ZMYND15: variants seen among roughly 807,000 people sequenced by gnomAD.
The protein encoded by ZMYND15 is zinc finger MYND domain-containing protein 15.
In ZMYND15, 54 loss-of-function variants were observed where a neutral mutation model predicts 81.7. The ratio of observed to expected loss-of-function variants is 0.66; its 90% confidence interval spans 0.53 to 0.83. The LOEUF (loss-of-function observed/expected upper bound fraction) is 0.83, where lower values mean the gene tolerates loss of function less well. Ranked by LOEUF, ZMYND15 falls within the 40% of genes least tolerant of loss-of-function variation. The pLI, the probability that ZMYND15 is intolerant of heterozygous loss-of-function variation, is 0.00. For synonymous variants in ZMYND15, 399 were observed against 387.0 expected (o/e 1.03, Z -0.36); for missense variants, 925 against 973.5 (o/e 0.95, Z 0.66).
In ZMYND15 at chr17:4,743,730, C is replaced by T. The variant is rs765411382; in HGVS notation, c.1298-37C>T. 6 of 1,583,474 alleles carry T rather than the reference C, an allele frequency of 3.8e-6. No individual in the cohort carries two copies. The East Asian group carries it at 8.9e-5, about 24-fold the overall frequency. ...AAAGAGATGGGTCAGGTGGGGGTCT[C>T]CCTGACCCCAGGCCCCTCCTTCTTT... On this transcript the variant is annotated intron_variant, in intron 6 of 13. Transcript: ENST00000433935. This position sits in a 1 kb window ranked among gnomAD's most constrained non-coding sequence, Gnocchi z 4.3.
Position 4,740,863 on chromosome 17 carries a change from C to T in ZMYND15, c.315C>T (p.Ser105=). 6.4e-7 allele frequency: 1 copy of T among 1,573,094 alleles called. No homozygotes were observed. The highest frequency in any genetic ancestry group is 1.2e-5 in the South Asian group (1 of 85,218). Residue 105 remains serine (S), a synonymous_variant, in exon 2 of 14, where the codon AGC becomes AGT. Transcript: ENST00000433935. The stretch of plus-strand genomic sequence containing the variant: ...TGCGAGACCTGAGCCCCTACATCAG[C>T]TTTGTCAGCCTAGAGGATGGGGAGG... ...LHLRDLSPYI[S]FVSLEDGEEG...
In ZMYND15 at chr17:4,739,972, G is replaced by C. The variant is rs1178690823; in HGVS notation, c.-109G>C. On this transcript the variant is annotated 5_prime_UTR_variant, in exon 1 of 14. Transcript: ENST00000433935. The surrounding 1 kb of genome is among the most constrained non-coding windows in gnomAD (Gnocchi z 5.3). ...CGCCCGCTGAGCCGGCGAGGGCTCG[G>C]GCAGCCCTGACGTCACAACCGCACC... The C allele has an allele frequency of 1.0e-6, 1 of 985,188 alleles. No homozygotes were observed. Among genetic ancestry groups the C allele is most frequent in the African/African-American group, 1.7e-5 (1 of 57,222 alleles). 61.0% of individuals were successfully genotyped at this position (985,188 alleles called of 1,614,324 possible). A position where few individuals can be genotyped will look rare whatever the true frequency, so the allele number is the denominator to read the frequency against.
Position 4,746,110 on chromosome 17 carries a change from GAA to G in ZMYND15, c.*122_*123del. 9.3e-7 allele frequency: 1 copy of G among 1,072,738 alleles called. No individual in the cohort carries two copies. 66.5% of individuals were successfully genotyped at this position (1,072,738 alleles called of 1,614,324 possible). On this transcript the variant is annotated 3_prime_UTR_variant, in exon 14 of 14. Transcript: ENST00000433935. ...AAAAGGTAAATAAAATTACTTGTTT[GAA>G]ACCACTGAGTCATGGATCTTTTGAT...
rs1310150234 is a variant in ZMYND15, at chr17:4,745,979, C to T, written c.2218C>T (p.Arg740Trp). 1 of 1,441,588 alleles carries T rather than the reference C, an allele frequency of 6.9e-7. No individual in the cohort carries two copies. Among genetic ancestry groups the T allele is most frequent in the South Asian group, 1.5e-5 (1 of 67,274 alleles). 89.3% of individuals were successfully genotyped at this position (1,441,588 alleles called of 1,614,324 possible). A position where few individuals can be genotyped will look rare whatever the true frequency, so the allele number is the denominator to read the frequency against. The change falls in exon 14 of 14, where the codon CGG becomes TGG. Residue 740 changes from arginine (R) to tryptophan (W), a missense_variant. Physicochemically the swap from Arg to Trp is moderately radical, Grantham distance 101. Transcript: ENST00000433935. The surrounding 1 kb of genome is among the most constrained non-coding windows in gnomAD (Gnocchi z 5.2). ...GEKKPGRGAR[R>W]RK The stretch of plus-strand genomic sequence containing the variant: ...AAAGAAACCTGGGCGGGGGGCCCGC[C>T]GGCGGAAATGAATGCTGATACCCTA...
Position 4,743,187 on chromosome 17 carries a change from C to T in ZMYND15, c.1145-116C>T, listed in dbSNP as rs965174490. ...CCAAGAGGTCGAGGCTGTAGTGTCC[C>T]GTGATCACGCCACTGCACTCTAGCT... is the stretch of plus-strand genomic sequence containing the variant. On this transcript the variant is annotated intron_variant, in intron 5 of 13. Coordinates refer to ENST00000433935, the MANE Select transcript of ZMYND15 (RefSeq NM_001136046.3). This position sits in a 1 kb window ranked among gnomAD's most constrained non-coding sequence, Gnocchi z 4.3. 4.2e-5 allele frequency: 53 copies of T among 1,266,738 alleles called. 2 individuals carry two copies. The highest frequency in any genetic ancestry group is 1.6e-4 in the East Asian group (7 of 42,624). The allele number at this position is 1,266,738 out of a possible 1,614,324, so 78.5% of individuals were successfully genotyped here.
rs555587980 is a variant in ZMYND15 at position 4,741,494 on chromosome 17, C to T, written c.593-88C>T. 4,949 of 1,426,480 alleles carry T rather than the reference C, an allele frequency of 3.5e-3. 13 individuals carry two copies. The highest frequency in any genetic ancestry group is 4.2e-3 in the Non-Finnish European group (4,251 of 1,017,950). 88.4% of individuals were successfully genotyped at this position (1,426,480 alleles called of 1,614,324 possible). A position where few individuals can be genotyped will look rare whatever the true frequency, so the allele number is the denominator to read the frequency against. On this transcript the variant is annotated intron_variant, in intron 2 of 13. Coordinates refer to ENST00000433935, the MANE Select transcript of ZMYND15 (RefSeq NM_001136046.3). ...CTCAGTGAGGTTACTTGCCTAGCCC[C>T]GTAGGTATTTGAGTTTGGTACTCCT...
In ZMYND15 at chr17:4,744,783, A is replaced by C. The variant is rs753571492; in HGVS notation, c.1837+5A>C. On this transcript the variant is annotated splice_donor_5th_base_variant and intron_variant, in intron 11 of 13. Transcript: ENST00000433935. The surrounding 1 kb of genome is among the most constrained non-coding windows in gnomAD (Gnocchi z 4.1). ...CCAAGCCTGACCTGGTTATTGGTAA[A>C]AGCCTGGGTCTCAGGGTTAGGCATG... 6.2e-7 allele frequency: 1 copy of C among 1,614,076 alleles called. No individual in the cohort carries two copies. The highest frequency in any genetic ancestry group is 1.7e-5 in the Admixed American group (1 of 60,008).
In ZMYND15 at chr17:4,745,150, G is replaced by GTC; in HGVS notation, c.1897-64_1897-63dup. ...GGGACCTCGGCTTTCAGCCCGGTCTGTCATTCTGGCTGCTGGGATGGATTT... is the reference window on the plus strand; with the variant it reads ...GGGACCTCGGCTTTCAGCCCGGTCTGTCTCATTCTGGCTGCTGGGATGGATTT... On this transcript the variant is annotated intron_variant, in intron 12 of 13. Coordinates refer to ENST00000433935, the MANE Select transcript of ZMYND15 (RefSeq NM_001136046.3). This position sits in a 1 kb window ranked among gnomAD's most constrained non-coding sequence, Gnocchi z 5.2. 1 of 1,611,790 alleles carries GTC rather than the reference G, an allele frequency of 6.2e-7. No homozygotes were observed. The highest frequency in any genetic ancestry group is 1.7e-5 in the Admixed American group (1 of 59,810).
chr17:4,743,846 T>G lies in ZMYND15; in HGVS notation c.1377T>G (p.Phe459Leu), dbSNP rs1447105623. 1 of 1,613,596 alleles carries G rather than the reference T, an allele frequency of 6.2e-7. No homozygotes were observed. The highest frequency in any genetic ancestry group is 1.3e-5 in the African/African-American group (1 of 74,862). Residue 459 changes from phenylalanine (F) to leucine (L), a missense_variant and splice_region_variant, in exon 7 of 14, where the codon TTT becomes TTG. Coordinates refer to ENST00000433935, the MANE Select transcript of ZMYND15 (RefSeq NM_001136046.3). This position sits in a 1 kb window ranked among gnomAD's most constrained non-coding sequence, Gnocchi z 4.3. ...CCCCACATCCACCCCGGGGTGTTTT[T>G]GGTGAGCTGGAGGGGCCCTGTGGAA... ...PVPPHPPRGV[F>L]GSWQDYYTWR... is the part of the protein sequence containing the mutation.
At position 4,743,230 on chromosome 17, in the gene ZMYND15, C is replaced by T; in HGVS notation, c.1145-73C>T. The T allele has an allele frequency of 1.4e-6, 2 of 1,427,772 alleles. No homozygotes were observed. The highest frequency in any genetic ancestry group is 2.3e-5 in the East Asian group (1 of 43,414). 88.4% of individuals were successfully genotyped at this position (1,427,772 alleles called of 1,614,324 possible). On this transcript the variant is annotated intron_variant, in intron 5 of 13. Coordinates refer to ENST00000433935, the MANE Select transcript of ZMYND15 (RefSeq NM_001136046.3). The surrounding 1 kb of genome is among the most constrained non-coding windows in gnomAD (Gnocchi z 4.3). The stretch of plus-strand genomic sequence containing the variant: ...CTCTAGCTTGGGTGATAGAGCAAGA[C>T]TCTGTCTCAAAAAAAAAAAAATGTC...
chr17:4,745,332 C>T lies in ZMYND15; in HGVS notation c.2014C>T (p.Arg672Cys), dbSNP rs919846573. Residue 672 changes from arginine (R) to cysteine (C), a missense_variant, in exon 13 of 14, where the codon CGC (arginine) becomes TGC (cysteine). Coordinates refer to ENST00000433935, the MANE Select transcript of ZMYND15 (RefSeq NM_001136046.3). The surrounding 1 kb of genome is among the most constrained non-coding windows in gnomAD (Gnocchi z 5.2). Reference sequence around the variant, plus strand: ...CAGCCCTCCCCAGCCCAACCCCTTCCGCTCCCCCTTTCGCCTCAGAGCGGC... The same window carrying T: ...CAGCCCTCCCCAGCCCAACCCCTTCTGCTCCCCCTTTCGCCTCAGAGCGGC... ...GTSPPQPNPF[R>C]SPFRLRAADN... is the part of the protein sequence containing the mutation. 12 of 1,611,702 alleles carry T rather than the reference C, an allele frequency of 7.4e-6. No individual in the cohort carries two copies. The highest frequency in any genetic ancestry group is 8.5e-6 in the Non-Finnish European group (10 of 1,179,104).
chr17:4,745,219 T>G lies in ZMYND15; in HGVS notation c.1901T>G (p.Leu634Arg), dbSNP rs1916609716. ...GCGACTCTCGCTCCACCCCAGTCCCTCCGAGTGCCAGCCTTCTTCACCGAG... is the reference window on the plus strand; with the variant it reads ...GCGACTCTCGCTCCACCCCAGTCCCGCCGAGTGCCAGCCTTCTTCACCGAG... ...WLRSLPRLQS[L>R]RVPAFFTESS... Residue 634 changes from leucine to arginine, a missense_variant, in exon 13 of 14, where the codon CTC becomes CGC. Coordinates refer to ENST00000433935, the MANE Select transcript of ZMYND15 (RefSeq NM_001136046.3). This position sits in a 1 kb window ranked among gnomAD's most constrained non-coding sequence, Gnocchi z 5.2. 2 of 1,613,948 alleles carry G rather than the reference T, an allele frequency of 1.2e-6. No homozygotes were observed. Among genetic ancestry groups the G allele is most frequent in the Non-Finnish European group, 1.7e-6 (2 of 1,179,962 alleles).
At chr17:4,741,843 G>A in intron 3 of ZMYND15, 27 bp downstream of exon 3, 1 of 1,580,978 alleles carries the variant, frequency 6.3e-7, no homozygotes, top group Non-Finnish European at 8.6e-7. Flanking sequence ...TCTGAGGCTG[G>A]GGAGGACTCG....
chr17:4,741,493 C>T, intron 2 of ZMYND15, 89 bp from the exon 3 acceptor site: 2 of 1,418,132 alleles, frequency 1.4e-6, no homozygotes, highest in Non-Finnish European at 2.0e-6. Flanking sequence ...TTGCCTAGCC[C>T]CGTAGGTATT....
Position 4,745,989 on chromosome 17 carries a change from G to T in ZMYND15, c.2228G>T (p.Ter743LeuextTer5), listed in dbSNP as rs1443305325. 7.6e-6 allele frequency: 11 copies of T among 1,441,422 alleles called. 1 individual carries two copies. The South Asian group carries it at 1.6e-4, about 22-fold the overall frequency. 89.3% of individuals were successfully genotyped at this position (1,441,422 alleles called of 1,614,324 possible). A position where few individuals can be genotyped will look rare whatever the true frequency, so the allele number is the denominator to read the frequency against. Residue 743 changes from the stop codon to leucine, a stop_lost, in exon 14 of 14, where the codon TGA (stop) becomes TTA (leucine). Transcript: ENST00000433935. The surrounding 1 kb of genome is among the most constrained non-coding windows in gnomAD (Gnocchi z 5.2). ...GGGCGGGGGGCCCGCCGGCGGAAAT[G>T]AATGCTGATACCCTAGTAGTCCCCA... ...KPGRGARRRK[*>L] is the part of the protein sequence containing the mutation.
chr17:4,742,875 C>T (rs1916488281), intron 5 of ZMYND15, among the ~76,000 whole-genome samples: 1 of 152,128 alleles, frequency 6.6e-6, no homozygotes. Context: ...GTGCCTGGTA[C>T]GCTGGAGGCA....
At chr17:4,740,471 C>G in intron 1 of ZMYND15, 48 bp from the exon 2 acceptor site, 1 of 1,478,460 alleles carries the variant, frequency 6.8e-7, no homozygotes, top group Non-Finnish European at 9.0e-7. Flanking sequence ...GCCCCAAACT[C>G]CATCATTGCT....
Position 4,745,966 on chromosome 17 carries a change from G to A in ZMYND15, c.2205G>A (p.Gly735=), listed in dbSNP as rs1916652442. ...GGCGCCGAGGAGAAAAGAAACCTGG[G>A]CGGGGGGCCCGCCGGCGGAAATGAA... ...TRRRRGEKKP[G]RGARRRK Residue 735 remains glycine (G), a synonymous_variant, in exon 14 of 14, where the codon GGG becomes GGA. Coordinates refer to ENST00000433935, the MANE Select transcript of ZMYND15 (RefSeq NM_001136046.3). This position sits in a 1 kb window ranked among gnomAD's most constrained non-coding sequence, Gnocchi z 5.2. 1.4e-6 allele frequency: 2 copies of A among 1,450,634 alleles called. No homozygotes were observed. Among genetic ancestry groups the A allele is most frequent in the African/African-American group, 1.5e-5 (1 of 66,938 alleles). 89.9% of individuals were successfully genotyped at this position (1,450,634 alleles called of 1,614,324 possible). A position where few individuals can be genotyped will look rare whatever the true frequency, so the allele number is the denominator to read the frequency against.
rs760964844 is a variant in ZMYND15 at position 4,745,815 on chromosome 17, G to A, written c.2058-4G>A. The A allele has an allele frequency of 1.5e-5, 24 of 1,586,680 alleles. No homozygotes were observed. The highest frequency in any genetic ancestry group is 2.1e-5 in the Non-Finnish European group (24 of 1,169,140). On this transcript the variant is annotated splice_polypyrimidine_tract_variant and splice_region_variant and intron_variant, in intron 13 of 13. Coordinates refer to ENST00000433935, the MANE Select transcript of ZMYND15 (RefSeq NM_001136046.3). The surrounding 1 kb of genome is among the most constrained non-coding windows in gnomAD (Gnocchi z 5.2). ...GTCCCTGACTGCGCCCCGCGCCCCC[G>A]CAGGTACTGCAATGCCTTCATCTTC...
Sources: allele counts gnomAD v4.1 joint callset (sites outside exome capture counted in the v4.1 genomes callset), GRCh38; gene constraint gnomAD v4.1.1; non-coding constraint Gnocchi (gnomAD v3.1); transcripts MANE v1.5; gene names NCBI Gene and HGNC (gene_info 2026-07-23, HGNC 2026-07-21).